CELF2: variants seen among roughly 807,000 people sequenced by gnomAD.
CELF2 encodes CUG triplet repeat RNA-binding protein 2.
In CELF2, 8 loss-of-function variants were observed where a neutral mutation model predicts 62.6. The observed-to-expected ratio is 0.13, with a 90% CI of 0.07 to 0.23. The LOEUF (loss-of-function observed/expected upper bound fraction) is 0.23, where lower values mean the gene tolerates loss of function less well. Ranked by LOEUF, CELF2 falls within the 10% of genes least tolerant of loss-of-function variation. The pLI, the probability that CELF2 is intolerant of heterozygous loss-of-function variation, is 1.00. For synonymous variants in CELF2, 258 were observed against 250.0 expected, an observed-to-expected ratio of 1.03 and a Z score of -0.30; for missense variants, 333 against 671.0, an observed-to-expected ratio of 0.50 and a Z score of 5.56.
chr10:11,018,311 C>A (rs1376803061), intron 1 of CELF2, 148 bp downstream of exon 1: 1 of 541,500 alleles, frequency 1.8e-6, no homozygotes, highest in Non-Finnish European at 2.8e-6. Flanking sequence ...GAGGCCGGCA[C>A]GGGACGCGGG....
At chr10:10,782,638 T>C in the CELF2 span, among the ~76,000 whole-genome samples, 1 of 152,192 alleles carries the variant, frequency 6.6e-6, no homozygotes, top group Non-Finnish European at 1.5e-5. Context: ...GTAAACAATC[T>C]TTATGGGAAG....
intron 9 of CELF2, among the ~76,000 whole-genome samples, chr10:11,295,378 T>G (rs1254686040): frequency 6.6e-6 from 1 of 152,248 alleles, no homozygotes; most frequent in Non-Finnish European, 1.5e-5. Flanking sequence ...ATTCACACCA[T>G]GGTAAAAACA....
At chr10:10,716,827 G>A in the CELF2 span, among the ~76,000 whole-genome samples, 1 of 152,070 alleles carries the variant, frequency 6.6e-6, no homozygotes, top group African/African-American at 2.4e-5. Flanking sequence ...AACATTTTGA[G>A]GTTTTTTTCT....
intron 1 of CELF2, among the ~76,000 whole-genome samples, chr10:11,071,027 G>A (rs1393070257): frequency 6.6e-6 from 1 of 152,226 alleles, no homozygotes; most frequent in Non-Finnish European, 1.5e-5. Flanking sequence ...AAAGGTGGTA[G>A]AGAGTAAAGA....
the CELF2 span, among the ~76,000 whole-genome samples, chr10:10,584,012 C>T: frequency 6.6e-6 from 1 of 152,044 alleles, no homozygotes. Context: ...ACCCCAAGAC[C>T]GTAGGGGGCT....
the CELF2 span, among the ~76,000 whole-genome samples, chr10:10,494,515 CAT>C: frequency 6.6e-6 from 1 of 152,134 alleles, no homozygotes; most frequent in Non-Finnish European, 1.5e-5. Context: ...AAGAACAAGA[CAT>C]AGAAAAACTG....
chr10:11,282,020 G>T (rs577792622), intron 8 of CELF2, among the ~76,000 whole-genome samples: 1 of 152,122 alleles, frequency 6.6e-6, no homozygotes, highest in Non-Finnish European at 1.5e-5. Flanking sequence ...TACTGTTGTG[G>T]TGGGGCGAGC....
chr10:10,549,832 C>A, the CELF2 span, among the ~76,000 whole-genome samples: 4 of 152,148 alleles, frequency 2.6e-5, no homozygotes, highest in African/African-American at 7.2e-5. Context: ...TGAGGTGACA[C>A]AATCCAGCTC....
intron 2 of CELF2, among the ~76,000 whole-genome samples, chr10:11,171,110 C>T (rs2068725373): frequency 6.6e-6 from 1 of 152,194 alleles, no homozygotes; most frequent in South Asian, 2.1e-4. Context: ...ACTATCACTA[C>T]GTACCAAAGG....
At chr10:10,506,269 CGTGT>C in the CELF2 span, among the ~76,000 whole-genome samples, 14,137 of 146,710 alleles carry the variant, frequency 0.096, 1,141 homozygotes, top group African/African-American at 0.23. Context: ...AGATGCACTT[CGTGT>C]GTGTGTGTGT....
chr10:10,712,308 G>A, the CELF2 span, among the ~76,000 whole-genome samples: 1 of 152,110 alleles, frequency 6.6e-6, no homozygotes, highest in East Asian at 1.9e-4. Context: ...CGTTCAGAGT[G>A]TGCAGCTCTT....
chr10:11,301,711 CCGG>C, intron 9 of CELF2, among the ~76,000 whole-genome samples: 1 of 150,778 alleles, frequency 6.6e-6, no homozygotes, highest in Admixed American at 6.6e-5. Flanking sequence ...TGGCCCTGGC[CCGG>C]TGGCACCACG....
chr10:10,550,431 G>A, the CELF2 span, among the ~76,000 whole-genome samples: 1 of 152,174 alleles, frequency 6.6e-6, no homozygotes, highest in Non-Finnish European at 1.5e-5. Context: ...TGTCTAGTGT[G>A]CATAGAAGCC....
At chr10:11,022,556 C>T (rs1319108573) in intron 1 of CELF2, among the ~76,000 whole-genome samples, 1 of 151,814 alleles carries the variant, frequency 6.6e-6, no homozygotes, top group Non-Finnish European at 1.5e-5. Context: ...TCTCCCCTGA[C>T]AGCTACAATA....
chr10:11,299,554 C>T (rs2093517911), intron 9 of CELF2, among the ~76,000 whole-genome samples: 1 of 152,174 alleles, frequency 6.6e-6, no homozygotes, highest in Non-Finnish European at 1.5e-5. Context: ...TGCCCTTTCT[C>T]TTCAGAGGCC....
intron 1 of CELF2, among the ~76,000 whole-genome samples, chr10:11,072,187 G>A (rs993938611): frequency 6.6e-6 from 1 of 152,160 alleles, no homozygotes; most frequent in Non-Finnish European, 1.5e-5. Flanking sequence ...CCATTTAATA[G>A]ATGTTTTCAG....
chr10:10,684,264 CA>C, the CELF2 span, among the ~76,000 whole-genome samples: 6 of 152,136 alleles, frequency 3.9e-5, no homozygotes, highest in African/African-American at 1.2e-4. Context: ...GTTCCTCTAT[CA>C]GTGTGCAAGT....
At chr10:10,770,823 G>A in the CELF2 span, among the ~76,000 whole-genome samples, 732 of 152,268 alleles carry the variant, frequency 4.8e-3, 4 homozygotes, top group African/African-American at 0.01. Context: ...AATGCTTGAT[G>A]TGTTATCCAT....
rs963076889 is a variant in CELF2, at chr10:11,306,261, C to G, written c.977-7878C>G. 4.6e-5 allele frequency among the ~76,000 whole-genome samples: 7 copies of G among 151,888 alleles called. No homozygotes were observed. Among genetic ancestry groups the G allele is most frequent in the South Asian group, 2.1e-4 (1 of 4,824 alleles). The stretch of plus-strand genomic sequence containing the variant: ...TATGAACCAACATTTATAGACCGCA[C>G]CTCTCCTGAGATGCTCCTTTGGCAT... On this transcript the variant is annotated intron_variant, in intron 9 of 12. Transcript: ENST00000633077. This position sits in a 1 kb window ranked among gnomAD's most constrained non-coding sequence, Gnocchi z 4.4.
Sources: allele counts gnomAD v4.1 joint callset (sites outside exome capture counted in the v4.1 genomes callset), GRCh38; gene constraint gnomAD v4.1.1; non-coding constraint Gnocchi (gnomAD v3.1); transcripts MANE v1.5; gene names NCBI Gene and HGNC (gene_info 2026-07-23, HGNC 2026-07-21).